RNF17: variants seen among roughly 807,000 people sequenced by gnomAD.
RNF17 encodes spermatogenesis associated 23.
In RNF17, 31 loss-of-function variants were observed where a neutral mutation model predicts 200.5. The observed-to-expected ratio is 0.15, with a 90% CI of 0.12 to 0.21. RNF17 has a LOEUF of 0.21. Among genes scored for constraint, RNF17 ranks in the 10% least tolerant of loss-of-function variants. The pLI is 1.00. For missense variants in RNF17, 1,628 were observed against 1,905.1 expected (o/e 0.85, Z 2.71); for synonymous variants, 606 against 637.8 (o/e 0.95, Z 0.75).
upstream of RNF17, among the ~76,000 whole-genome samples, chr13:24,763,990 T>C (rs900359585): frequency 1.3e-5 from 2 of 152,136 alleles, no homozygotes; most frequent in African/African-American, 2.4e-5. Flanking sequence ...AAACGAACGG[T>C]CCTCAACGGC....
chr13:24,884,744 G>A (rs1401633945), downstream of RNF17, among the ~76,000 whole-genome samples: 1 of 152,102 alleles, frequency 6.6e-6, no homozygotes, highest in South Asian at 2.1e-4. Context: ...CTACTGCTTT[G>A]CCTGTTGTTC....
intron 29 of RNF17, among the ~76,000 whole-genome samples, chr13:24,865,812 C>T (rs535899216): frequency 5.3e-5 from 8 of 152,016 alleles, no homozygotes; most frequent in South Asian, 4.2e-4. Flanking sequence ...AAAGAAGTTA[C>T]GTCTGTTATT....
chr13:24,772,206 T>A (rs999193010), intron 2 of RNF17, among the ~76,000 whole-genome samples: 1 of 152,232 alleles, frequency 6.6e-6, no homozygotes, highest in Non-Finnish European at 1.5e-5. Context: ...GGCTTTGTTC[T>A]ACTGATTTAT....
intron 17 of RNF17, 147 bp downstream of exon 17, chr13:24,830,746 C>T (rs983670914): frequency 3.0e-5 from 19 of 635,500 alleles, no homozygotes; most frequent in Non-Finnish European, 5.3e-5. Flanking sequence ...GCTGTGGTTA[C>T]TATTGAGGAA....
chr13:24,887,099 G>A, the RNF17 span, among the ~76,000 whole-genome samples: 4 of 152,142 alleles, frequency 2.6e-5, no homozygotes. Flanking sequence ...TACTAGGGGA[G>A]GGATGTTTAT....
rs565840501 is a variant in RNF17 at position 24,874,471 on chromosome 13, G to A, written c.4583+222G>A. ...GTTGCCCAGGCTGGAGTGCAGTGGC[G>A]CAATCTTGGCTCACTGCAACCTCCG... On this transcript the variant is annotated intron_variant, in intron 33 of 35. Transcript: ENST00000255324. Among the ~76,000 whole-genome samples, 5 of 149,864 alleles carry A rather than the reference G, an allele frequency of 3.3e-5. No individual in the cohort carries two copies. In the East Asian group the frequency reaches 5.9e-4, roughly 18 times the overall value.
At chr13:24,796,068 G>C (rs1884532938) in intron 10 of RNF17, 69 bp from the exon 11 acceptor site, 1 of 1,228,286 alleles carries the variant, frequency 8.1e-7, no homozygotes, top group African/African-American at 1.5e-5. Context: ...GGCTATTATG[G>C]TTGTTCAGCT....
At chr13:24,790,780 A>G (rs1452296448) in intron 9 of RNF17, among the ~76,000 whole-genome samples, 1 of 152,164 alleles carries the variant, frequency 6.6e-6, no homozygotes, top group Non-Finnish European at 1.5e-5. Context: ...AGCATGGAAG[A>G]GCATAAAAGG....
At chr13:24,824,308 GA>G (rs1888401965) in intron 15 of RNF17, 1 of 651,874 alleles carries the variant, frequency 1.5e-6, no homozygotes. Context: ...TTCCTCTGCT[GA>G]ATTTTTAAAT....
At chr13:24,772,300 A>T (rs920878568) in intron 2 of RNF17, among the ~76,000 whole-genome samples, 4 of 152,132 alleles carry the variant, frequency 2.6e-5, no homozygotes, top group Non-Finnish European at 4.4e-5. Flanking sequence ...GCTGAATTCG[A>T]TGTTAAAGTT....
intron 14 of RNF17, 43 bp from the exon 15 acceptor site, chr13:24,804,245 A>T: frequency 1.3e-6 from 2 of 1,582,530 alleles, no homozygotes; most frequent in Admixed American, 1.8e-5. Flanking sequence ...CCTGGGTGAC[A>T]GGGTGAGACC....
intron 15 of RNF17, among the ~76,000 whole-genome samples, chr13:24,806,133 A>G (rs531400195): frequency 1.2e-4 from 19 of 152,020 alleles, no homozygotes; most frequent in Non-Finnish European, 1.9e-4. Flanking sequence ...GAGAACATGC[A>G]GTGTTTGGTT....
At chr13:24,812,797 T>C (rs1231061875) in intron 15 of RNF17, among the ~76,000 whole-genome samples, 1 of 151,408 alleles carries the variant, frequency 6.6e-6, no homozygotes, top group South Asian at 2.1e-4. Flanking sequence ...TTCTCATGCC[T>C]CAGCCTCCCA....
chr13:24,793,450 AT>A, intron 10 of RNF17, 104 bp downstream of exon 10: 1 of 1,058,362 alleles, frequency 9.4e-7, no homozygotes, highest in Non-Finnish European at 1.3e-6. Flanking sequence ...AATTGCTGTT[AT>A]AATCTTATTC....
chr13:24,778,779 T>C (rs1196389364), intron 4 of RNF17, among the ~76,000 whole-genome samples: 1 of 152,250 alleles, frequency 6.6e-6, no homozygotes, highest in Non-Finnish European at 1.5e-5. Flanking sequence ...TTGTTGTTGT[T>C]AATGTTATTG....
At chr13:24,755,886 C>G in the RNF17 span, among the ~76,000 whole-genome samples, 1 of 152,028 alleles carries the variant, frequency 6.6e-6, no homozygotes, top group South Asian at 2.1e-4. Context: ...GTTGTTTCAC[C>G]TTCAGTAGTC....
chr13:24,766,231 A>C (rs956175490), intron 1 of RNF17, among the ~76,000 whole-genome samples: 2 of 152,260 alleles, frequency 1.3e-5, no homozygotes, highest in African/African-American at 4.8e-5. Flanking sequence ...TAAATAAATA[A>C]ATAAAATTAA....
chr13:24,849,202 C>A (rs2138195134), intron 22 of RNF17, among the ~76,000 whole-genome samples: 1 of 152,302 alleles, frequency 6.6e-6, no homozygotes, highest in African/African-American at 2.4e-5. Flanking sequence ...AGTTAATGGG[C>A]TAGCTCAATG....
chr13:24,792,902 T>A, intron 9 of RNF17, 140 bp from the exon 10 acceptor site: 1 of 575,998 alleles, frequency 1.7e-6, no homozygotes, highest in Non-Finnish European at 3.0e-6. Context: ...GATAAATAAC[T>A]GGCAGTGGGT....
Sources: allele counts gnomAD v4.1 joint callset (sites outside exome capture counted in the v4.1 genomes callset), GRCh38; gene constraint gnomAD v4.1.1; transcripts MANE v1.5; gene names NCBI Gene and HGNC (gene_info 2026-07-23, HGNC 2026-07-21).